Variants in L3MBTL2 observed in about 807,000 individuals in gnomAD.
L3MBTL2 encodes L3MBTL histone methyl-lysine binding protein 2, also known as lethal(3)malignant brain tumor-like protein 2.
In L3MBTL2, 49 loss-of-function variants were observed where a neutral mutation model predicts 86.4. The observed-to-expected ratio is 0.57, with a 90% confidence interval of 0.45 to 0.72. L3MBTL2 has a LOEUF of 0.72. L3MBTL2 is among the 30% of genes least tolerant of loss of function. L3MBTL2 has a pLI of 0.00. For synonymous variants in L3MBTL2, 336 were observed against 350.6 expected (o/e 0.96, Z 0.47); for missense variants, 755 against 923.7 (o/e 0.82, Z 2.37).
intron 16 of L3MBTL2, 189 bp downstream of exon 16, chr22:41,229,845 A>T: frequency 1.0e-6 from 1 of 976,894 alleles, no homozygotes; most frequent in South Asian, 1.4e-5. Flanking sequence ...AATGGAGCTG[A>T]GTCCCCCTCT....
At position 41,209,358 on chromosome 22, in the gene L3MBTL2, C is replaced by T. The variant is rs1471627945; in HGVS notation, c.25-338C>T. On this transcript the variant is annotated intron_variant, in intron 1 of 16. Transcript: ENST00000216237. ...CTGACCTCAGGTGATCTGCCAGCCT[C>T]GGCCTCCCAAAGTGCTAGGATTACA... 8 of 206,730 alleles carry T rather than the reference C, an allele frequency of 3.9e-5. No homozygotes were observed. The East Asian group carries it at 6.1e-4, about 16-fold the overall frequency. The allele number at this position is 206,730 out of a possible 1,614,324, so 12.8% of individuals were successfully genotyped here.
At chr22:41,219,688 G>T in intron 6 of L3MBTL2, 152 bp downstream of exon 6, 1 of 610,944 alleles carries the variant, frequency 1.6e-6, no homozygotes, top group Non-Finnish European at 3.0e-6. Flanking sequence ...TTTTACCGGA[G>T]AAGGGAACAC....
rs1193825026 is a variant in L3MBTL2, at chr22:41,225,142, C to T, written c.1356+71C>T. 21 of 1,210,936 alleles carry T rather than the reference C, an allele frequency of 1.7e-5. No homozygotes were observed. Among genetic ancestry groups the T allele is most frequent in the Middle Eastern group, 2.5e-4 (1 of 3,964 alleles). The allele number at this position is 1,210,936 out of a possible 1,614,324, so 75.0% of individuals were successfully genotyped here. On this transcript the variant is annotated intron_variant, in intron 11 of 16. Coordinates refer to ENST00000216237, the MANE Select transcript of L3MBTL2 (RefSeq NM_031488.5). This position sits in a 1 kb window ranked among gnomAD's most constrained non-coding sequence, Gnocchi z 4.1. ...GGACCCATGTGGCCCAGAGCTCTAA[C>T]CCCACTCGCCACCGTCAGGGGGTCT...
At chr22:41,222,807 C>T (rs2145602718) in intron 8 of L3MBTL2, among the ~76,000 whole-genome samples, 1 of 152,276 alleles carries the variant, frequency 6.6e-6, no homozygotes, top group East Asian at 1.9e-4. Context: ...GTAATCCCAG[C>T]TAACTCAGGA....
rs778602850 is a variant in L3MBTL2, at chr22:41,209,733, A to C, written c.62A>C (p.Asp21Ala). Residue 21 changes from aspartate to alanine, a missense_variant, in exon 2 of 17, where the codon GAT becomes GCT. Asp to Ala is a moderately radical substitution (Grantham distance 126). Transcript: ENST00000216237. ...PSSEPMEEEE[D>A]DDLELFGGYD... ...TCAGAACCAATGGAGGAAGAGGAAG[A>C]TGACGACTTGGAGCTGTTTGGTGGC... is the stretch of plus-strand genomic sequence containing the variant. 1.2e-6 allele frequency: 2 copies of C among 1,614,228 alleles called. No homozygotes were observed. The highest frequency in any genetic ancestry group is 2.2e-5 in the South Asian group (2 of 91,084).
chr22:41,211,398 G>A (rs2030777077), intron 2 of L3MBTL2, among the ~76,000 whole-genome samples: 1 of 151,386 alleles, frequency 6.6e-6, no homozygotes. Flanking sequence ...AGAGACAGGG[G>A]TTTTGCCCTG....
chr22:41,216,671 T>G (rs1465544845), intron 4 of L3MBTL2, among the ~76,000 whole-genome samples: 1 of 152,166 alleles, frequency 6.6e-6, no homozygotes, highest in African/African-American at 2.4e-5. Flanking sequence ...AATGTATGCA[T>G]AAAGCAACTC....
chr22:41,221,486 C>T lies in L3MBTL2; in HGVS notation c.942+199C>T, dbSNP rs888413457. On this transcript the variant is annotated intron_variant, in intron 8 of 16. Transcript: ENST00000216237. Reference sequence around the variant, plus strand: ...TTCTAGCCTGGCGTCGGCCACTGCCCCACCCAGACTCTGCTCCTACTGCTC... The same window carrying T: ...TTCTAGCCTGGCGTCGGCCACTGCCTCACCCAGACTCTGCTCCTACTGCTC... The T allele has an allele frequency of 3.8e-5, 22 of 586,184 alleles. 2 individuals are homozygous for T. The highest frequency in any genetic ancestry group is 2.2e-4 in the South Asian group (11 of 49,458). The allele number at this position is 586,184 out of a possible 1,614,324, so 36.3% of individuals were successfully genotyped here. A position where few individuals can be genotyped will look rare whatever the true frequency, so the allele number is the denominator to read the frequency against.
At chr22:41,215,866 G>A (rs1005158580) in intron 3 of L3MBTL2, among the ~76,000 whole-genome samples, 1 of 152,224 alleles carries the variant, frequency 6.6e-6, no homozygotes, top group East Asian at 1.9e-4. Context: ...ACTGAGACTT[G>A]AATCTGGGAG....
intron 12 of L3MBTL2, 141 bp from the exon 13 acceptor site, chr22:41,226,521 G>A: frequency 1.4e-6 from 1 of 693,196 alleles, no homozygotes; most frequent in Admixed American, 2.3e-5. Flanking sequence ...ACTACCCTGA[G>A]GGGATGAGAA....
chr22:41,228,849 C>T (rs1331266974), intron 15 of L3MBTL2, among the ~76,000 whole-genome samples: 1 of 52,870 alleles, frequency 1.9e-5, no homozygotes, highest in East Asian at 3.2e-4. Context: ...AACTCCATCG[C>T]ACAAAAAAAA....
chr22:41,227,211 T>C lies in L3MBTL2; in HGVS notation c.1710T>C (p.Phe570=), dbSNP rs1251846193. 1.2e-6 allele frequency: 2 copies of C among 1,613,554 alleles called. No individual in the cohort carries two copies. Among genetic ancestry groups the C allele is most frequent in the African/African-American group, 1.3e-5 (1 of 74,942 alleles). ...TGCATCGGCTCCTCAGCATCCACTT[T>C]GACGGCTGGGACAGCGAGTACGACC... is the stretch of plus-strand genomic sequence containing the variant. ...RVVHRLLSIH[F]DGWDSEYDQW... is the part of the protein sequence containing the mutation. Residue 570 remains phenylalanine (F), a synonymous_variant, in exon 14 of 17, where the codon TTT becomes TTC. Coordinates refer to ENST00000216237, the MANE Select transcript of L3MBTL2 (RefSeq NM_031488.5). This position sits in a 1 kb window ranked among gnomAD's most constrained non-coding sequence, Gnocchi z 6.0.
At chr22:41,213,829 C>T (rs199556784) in intron 2 of L3MBTL2, 64 bp from the exon 3 acceptor site, 8 of 1,589,904 alleles carry the variant, frequency 5.0e-6, no homozygotes, top group Non-Finnish European at 6.9e-6. Context: ...TTTGAAGGGC[C>T]CATCACTTTG....
Position 41,216,202 on chromosome 22 carries a change from G to A in L3MBTL2, c.460G>A (p.Ala154Thr). 2 of 1,614,136 alleles carry A rather than the reference G, an allele frequency of 1.2e-6. No individual in the cohort carries two copies. Among genetic ancestry groups the A allele is most frequent in the Non-Finnish European group, 1.7e-6 (2 of 1,180,014 alleles). ...GGCTGCCTGGTCTGCCAAAATTGGAGCCTTCCTCCACTCTCAAGGGACAGG... is the reference window on the plus strand; with the variant it reads ...GGCTGCCTGGTCTGCCAAAATTGGAACCTTCCTCCACTCTCAAGGGACAGG... ...HKAAWSAKIG[A>T]FLHSQGTGQL... The change falls in exon 4 of 17, where the codon GCC becomes ACC. Residue 154 changes from alanine (A) to threonine (T), a missense_variant. Transcript: ENST00000216237.
chr22:41,210,967 G>T (rs2030725040), intron 2 of L3MBTL2, among the ~76,000 whole-genome samples: 1 of 152,188 alleles, frequency 6.6e-6, no homozygotes, highest in Non-Finnish European at 1.5e-5. Flanking sequence ...TGGTTTGGAA[G>T]TCAGGGTGGG....
chr22:41,228,396 C>G (rs1006172258), intron 15 of L3MBTL2: 8 of 985,362 alleles, frequency 8.1e-6, no homozygotes, highest in African/African-American at 1.7e-5. Context: ...TCTACAGATT[C>G]TGAGCCCAGC....
At chr22:41,210,139 ATTTCT>A in intron 2 of L3MBTL2, 1 of 345,226 alleles carries the variant, frequency 2.9e-6, no homozygotes, top group African/African-American at 2.3e-5. Context: ...CTGAAGTCTA[ATTTCT>A]TTTTTTTTTT....
In L3MBTL2 at chr22:41,227,475, CCCTGCT is replaced by C. The variant is rs1413632359; in HGVS notation, c.1822+157_1822+162del. On this transcript the variant is annotated intron_variant, in intron 14 of 16. Coordinates refer to ENST00000216237, the MANE Select transcript of L3MBTL2 (RefSeq NM_031488.5). This position sits in a 1 kb window ranked among gnomAD's most constrained non-coding sequence, Gnocchi z 6.0. ...TAGAGAGTGAGCCCCGTCACCCAGC[CCCTGCT>C]CCTGACTTCTCTGTCTCCCTTTCCC... 2 of 1,217,856 alleles carry C rather than the reference CCCTGCT, an allele frequency of 1.6e-6. No individual in the cohort carries two copies. The highest frequency in any genetic ancestry group is 4.0e-5 in the Admixed American group (2 of 50,358). The allele number at this position is 1,217,856 out of a possible 1,614,324, so 75.4% of individuals were successfully genotyped here. A position where few individuals can be genotyped will look rare whatever the true frequency, so the allele number is the denominator to read the frequency against.
Position 41,224,320 on chromosome 22 carries a change from C to T in L3MBTL2, c.1174+69C>T, listed in dbSNP as rs1310430298. On this transcript the variant is annotated intron_variant, in intron 9 of 16. Coordinates refer to ENST00000216237, the MANE Select transcript of L3MBTL2 (RefSeq NM_031488.5). The surrounding 1 kb of genome is among the most constrained non-coding windows in gnomAD (Gnocchi z 4.9). ...CCAGGGACGGAGTGGGAGCACCTTC[C>T]TACTCGTCACAGCAGGTCAGCAGGT... 11 of 1,271,612 alleles carry T rather than the reference C, an allele frequency of 8.7e-6. No homozygotes were observed. Among genetic ancestry groups the T allele is most frequent in the Non-Finnish European group, 8.9e-6 (8 of 895,356 alleles). The allele number at this position is 1,271,612 out of a possible 1,614,324, so 78.8% of individuals were successfully genotyped here. A position where few individuals can be genotyped will look rare whatever the true frequency, so the allele number is the denominator to read the frequency against.
Sources: allele counts gnomAD v4.1 joint callset (sites outside exome capture counted in the v4.1 genomes callset), GRCh38; gene constraint gnomAD v4.1.1; non-coding constraint Gnocchi (gnomAD v3.1); transcripts MANE v1.5; gene names NCBI Gene and HGNC (gene_info 2026-07-23, HGNC 2026-07-21).